PTPRD: variants seen among roughly 807,000 people sequenced by gnomAD.
The protein encoded by PTPRD is receptor-type tyrosine-protein phosphatase delta.
In PTPRD, 34 loss-of-function variants were observed where a neutral mutation model predicts 214.5. The observed-to-expected ratio is 0.16, with a 90% CI of 0.12 to 0.21. The LOEUF (loss-of-function observed/expected upper bound fraction) is 0.21. PTPRD is among the 10% of genes least tolerant of loss of function. PTPRD has a pLI of 1.00. For missense variants in PTPRD, 2,545 were observed against 2,398.7 expected (o/e 1.06, Z -1.27); for synonymous variants, 1,128 against 845.7 (o/e 1.33, Z -5.79).
intron 2 of PTPRD, among the ~76,000 whole-genome samples, chr9:10,393,162 A>G (rs1319353375): frequency 1.3e-5 from 2 of 151,882 alleles, no homozygotes; most frequent in African/African-American, 2.4e-5. Context: ...CAAAATATCC[A>G]TTATAAAATA....
intron 33 of PTPRD, among the ~76,000 whole-genome samples, chr9:8,456,044 A>G (rs2096186734): frequency 6.6e-6 from 1 of 152,172 alleles, no homozygotes; most frequent in Non-Finnish European, 1.5e-5. Context: ...AGCCAAAATA[A>G]AGTTGATATT....
chr9:10,410,207 T>A (rs1038712467), intron 2 of PTPRD, among the ~76,000 whole-genome samples: 9 of 146,884 alleles, frequency 6.1e-5, no homozygotes, highest in African/African-American at 2.0e-4. Context: ...AGACTTTCAT[T>A]AAACAAATGT....
chr9:8,549,825 A>C (rs1015044649), intron 14 of PTPRD, among the ~76,000 whole-genome samples: 3 of 152,220 alleles, frequency 2.0e-5, no homozygotes, highest in Admixed American at 1.3e-4. Flanking sequence ...AATTATTACA[A>C]AAGAAAGATA....
chr9:10,134,443 A>G (rs2154261124), intron 3 of PTPRD, among the ~76,000 whole-genome samples: 2 of 152,314 alleles, frequency 1.3e-5, no homozygotes, highest in South Asian at 4.1e-4. Context: ...ATGTGTTAAA[A>G]TACAAAACAG....
intron 5 of PTPRD, among the ~76,000 whole-genome samples, chr9:9,811,506 G>C (rs984496503): frequency 6.6e-6 from 1 of 152,128 alleles, no homozygotes; most frequent in African/African-American, 2.4e-5. Context: ...AGGAGATCGA[G>C]ACCATCCTGG....
chr9:8,841,524 C>G (rs72704314), intron 11 of PTPRD, among the ~76,000 whole-genome samples: 20,231 of 152,128 alleles, frequency 0.13, 1,640 homozygotes, highest in East Asian at 0.23. Context: ...AAAATGCCCT[C>G]AGCATTGTAT....
chr9:10,231,981 A>AGT (rs1259734289), intron 3 of PTPRD, among the ~76,000 whole-genome samples: 36 of 102,394 alleles, frequency 3.5e-4, no homozygotes, highest in African/African-American at 4.0e-4. Flanking sequence ...AGAGAGAGAG[A>AGT]GAGAGAGAGT....
chr9:9,181,123 T>C (rs2099927953), intron 10 of PTPRD, among the ~76,000 whole-genome samples: 1 of 152,038 alleles, frequency 6.6e-6, no homozygotes. Flanking sequence ...CATCAGTTTC[T>C]TTTGTAATGG....
At chr9:9,297,103 T>C (rs552068688) in intron 9 of PTPRD, among the ~76,000 whole-genome samples, 1 of 151,830 alleles carries the variant, frequency 6.6e-6, no homozygotes, top group Admixed American at 6.6e-5. Flanking sequence ...CAGACTGTAA[T>C]GATATGGATG....
At chr9:9,555,378 A>G (rs2081276343) in intron 8 of PTPRD, among the ~76,000 whole-genome samples, 1 of 152,046 alleles carries the variant, frequency 6.6e-6, no homozygotes, top group Admixed American at 6.6e-5. Context: ...GTTCACCAGA[A>G]AAAGGGAGAA....
intron 9 of PTPRD, among the ~76,000 whole-genome samples, chr9:9,219,148 T>C (rs1482967433): frequency 1.3e-5 from 2 of 152,118 alleles, no homozygotes; most frequent in Non-Finnish European, 1.5e-5. Flanking sequence ...GTACAGATAT[T>C]TAAATATTGG....
chr9:8,975,003 A>G (rs1002852909), intron 11 of PTPRD, among the ~76,000 whole-genome samples: 7 of 151,390 alleles, frequency 4.6e-5, no homozygotes, highest in Non-Finnish European at 1.0e-4. Context: ...AGGCTGAGGC[A>G]GGAGAATCAC....
chr9:9,852,182 A>G (rs1443055580), intron 5 of PTPRD, among the ~76,000 whole-genome samples: 1 of 152,186 alleles, frequency 6.6e-6, no homozygotes, highest in African/African-American at 2.4e-5. Context: ...TTGTTTTTGA[A>G]ATGAAATATG....
intron 9 of PTPRD, among the ~76,000 whole-genome samples, chr9:9,216,508 T>G (rs893307495): frequency 1.7e-4 from 26 of 152,158 alleles, no homozygotes; most frequent in Admixed American, 1.0e-3. Context: ...CTCTCCAGCC[T>G]CAAAGACTAA....
At chr9:9,922,060 G>A (rs539432539) in intron 5 of PTPRD, among the ~76,000 whole-genome samples, 16 of 152,224 alleles carry the variant, frequency 1.1e-4, no homozygotes, top group African/African-American at 3.1e-4. Flanking sequence ...TAGCAGGGCT[G>A]AGAAAGTACT....
intron 5 of PTPRD, among the ~76,000 whole-genome samples, chr9:9,878,100 A>G (rs1305080305): frequency 6.6e-6 from 1 of 152,128 alleles, no homozygotes; most frequent in Non-Finnish European, 1.5e-5. Context: ...ACTGTGGTAG[A>G]GATTAAAGAA....
chr9:9,162,817 A>G (rs1177486012), intron 10 of PTPRD, among the ~76,000 whole-genome samples: 7 of 152,206 alleles, frequency 4.6e-5, no homozygotes, highest in Admixed American at 2.0e-4. Flanking sequence ...AACTCATTCA[A>G]CATTATTATT....
chr9:10,039,903 A>T (rs1464641652), intron 3 of PTPRD, among the ~76,000 whole-genome samples: 1 of 152,202 alleles, frequency 6.6e-6, no homozygotes, highest in African/African-American at 2.4e-5. Context: ...ATGATTTAAA[A>T]TTTGAGCTTC....
rs985475723 is a variant in PTPRD at position 9,969,295 on chromosome 9, C to A, written c.-471-30685G>T. Among the ~76,000 whole-genome samples, 3 of 152,118 alleles carry A rather than the reference C, an allele frequency of 2.0e-5. No individual in the cohort carries two copies. In the East Asian group the frequency reaches 5.8e-4, roughly 29 times the overall value. On this transcript the variant is annotated intron_variant, in intron 4 of 45. Transcript: ENST00000381196. ...AGTGGGAGATGAAGCTGAACACTAG[C>A]AAGGACCAAGTCCTTTAAGATCTTG...
Sources: allele counts gnomAD v4.1 joint callset (sites outside exome capture counted in the v4.1 genomes callset), GRCh38; gene constraint gnomAD v4.1.1; transcripts MANE v1.5; gene names NCBI Gene and HGNC (gene_info 2026-07-23, HGNC 2026-07-21).